TTLL11: variants seen among roughly 807,000 people sequenced by gnomAD.
TTLL11 encodes tubulin polyglutamylase TTLL11.
In TTLL11, 42 loss-of-function variants were observed where a neutral mutation model predicts 51.7. The observed-to-expected ratio is 0.81, with a 90% confidence interval of 0.64 to 1.05. The LOEUF (loss-of-function observed/expected upper bound fraction) is 1.05. Among genes scored for constraint, TTLL11 ranks in the 50% least tolerant of loss-of-function variants. The pLI is 0.00. For missense variants in TTLL11, 799 were observed against 940.4 expected (o/e 0.85, Z 1.97); for synonymous variants, 381 against 383.5 (o/e 0.99, Z 0.08).
chr9:122,078,127 AG>A (rs1275211676), intron 1 of TTLL11, among the ~76,000 whole-genome samples: 3 of 152,214 alleles, frequency 2.0e-5, no homozygotes, highest in Non-Finnish European at 4.4e-5. Context: ...TGCTTTTATT[AG>A]CAAAGCAGCC....
At chr9:121,850,812 C>T (rs929549748) in intron 8 of TTLL11, among the ~76,000 whole-genome samples, 2 of 152,182 alleles carry the variant, frequency 1.3e-5, no homozygotes, top group Non-Finnish European at 1.5e-5. Context: ...TTAACCATTG[C>T]ACCATACAAT....
intron 3 of TTLL11, among the ~76,000 whole-genome samples, chr9:122,020,604 T>C (rs1303612482): frequency 6.6e-6 from 1 of 152,248 alleles, no homozygotes; most frequent in Admixed American, 6.5e-5. Context: ...TTATGGACTA[T>C]ATGCTTGTGT....
intron 4 of TTLL11, among the ~76,000 whole-genome samples, chr9:121,981,323 A>G (rs1842824468): frequency 1.3e-5 from 2 of 151,966 alleles, no homozygotes; most frequent in Non-Finnish European, 2.9e-5. Flanking sequence ...TTTCTTCTTC[A>G]GTGTCTAATT....
At chr9:122,077,073 A>C (rs1432276865) in intron 1 of TTLL11, among the ~76,000 whole-genome samples, 1 of 152,214 alleles carries the variant, frequency 6.6e-6, no homozygotes, top group African/African-American at 2.4e-5. Context: ...TATGTACAGC[A>C]ACACTATTTT....
Position 121,989,473 on chromosome 9 carries a change from T to C in TTLL11, c.991A>G (p.Thr331Ala). Reference sequence around the variant, plus strand: ...AAGATGCGGTGCAGGTTTTTGGGGGTGGGCTCCTGATATGGCTCGGTACAA... The same window carrying C: ...AAGATGCGGTGCAGGTTTTTGGGGGCGGGCTCCTGATATGGCTCGGTACAA... ...RFCTEPYQEP[T>A]PKNLHRIFMH... Residue 331 changes from threonine to alanine, a missense_variant, in exon 4 of 9, where the codon ACC becomes GCC. Physicochemically the swap from Thr to Ala is moderately conservative, Grantham distance 58. Coordinates refer to ENST00000321582, the MANE Select transcript of TTLL11 (RefSeq NM_001139442.2). This position sits in a 1 kb window ranked among gnomAD's most constrained non-coding sequence, Gnocchi z 4.2. 1 of 1,614,002 alleles carries C rather than the reference T, an allele frequency of 6.2e-7. No homozygotes were observed. Among genetic ancestry groups the C allele is most frequent in the African/African-American group, 1.3e-5 (1 of 74,952 alleles).
intron 6 of TTLL11, among the ~76,000 whole-genome samples, chr9:121,973,095 G>C (rs538057736): frequency 3.9e-5 from 6 of 152,344 alleles, no homozygotes; most frequent in Admixed American, 3.3e-4. Flanking sequence ...TACTTTGTGA[G>C]AGCCTGGAAT....
chr9:122,084,429 G>A (rs1212400895), intron 1 of TTLL11, among the ~76,000 whole-genome samples: 3 of 152,078 alleles, frequency 2.0e-5, no homozygotes, highest in Non-Finnish European at 2.9e-5. Context: ...AATTTGATAC[G>A]AGGAGGAAGG....
chr9:121,821,689 G>A lies in TTLL11; in HGVS notation c.*898C>T, dbSNP rs1836581549. Among the ~76,000 whole-genome samples the A allele has an allele frequency of 6.6e-6, 1 of 152,138 alleles. No individual in the cohort carries two copies. Among genetic ancestry groups the A allele is most frequent in the Non-Finnish European group, 1.5e-5 (1 of 68,024 alleles). ...CTCCCCTGACCCTGGCACCAGGTCT[G>A]ACATACACTACTCCTCTTGCTCTGG... On this transcript the variant is annotated 3_prime_UTR_variant, in exon 9 of 9. Coordinates refer to ENST00000321582, the MANE Select transcript of TTLL11 (RefSeq NM_001139442.2). The surrounding 1 kb of genome is among the most constrained non-coding windows in gnomAD (Gnocchi z 5.0).
chr9:121,941,180 T>C lies in TTLL11; in HGVS notation c.1481+32829A>G, dbSNP rs7031654. On this transcript the variant is annotated intron_variant, in intron 6 of 8. Transcript: ENST00000321582. ...AAGGCTTACTCTTTACCTTCTAAAA[T>C]TGCAGTCAATTTTAAGACACTTTCA... is the stretch of plus-strand genomic sequence containing the variant. Among the ~76,000 whole-genome samples, 1,092 of 152,344 alleles carry C rather than the reference T, an allele frequency of 7.2e-3. 18 individuals carry two copies. Among genetic ancestry groups the C allele is most frequent in the African/African-American group, 0.025 (1,050 of 41,570 alleles).
At chr9:122,016,589 C>A (rs551869943) in intron 3 of TTLL11, among the ~76,000 whole-genome samples, 1 of 152,138 alleles carries the variant, frequency 6.6e-6, no homozygotes, top group South Asian at 2.1e-4. Flanking sequence ...CTAAACCCAG[C>A]GGAGGACGTT....
chr9:122,093,053 G>GGCCTTC lies in TTLL11; in HGVS notation c.95_96insGAAGGC (p.Ala32_Thr33insLysAla), dbSNP rs1846311835. The GGCCTTC allele has an allele frequency of 6.6e-7, 1 of 1,516,610 alleles. No homozygotes were observed. The highest frequency in any genetic ancestry group is 8.8e-7 in the Non-Finnish European group (1 of 1,140,026). The allele number at this position is 1,516,610 out of a possible 1,614,324, so 93.9% of individuals were successfully genotyped here. A position where few individuals can be genotyped will look rare whatever the true frequency, so the allele number is the denominator to read the frequency against. ...CCTGTTCCGCCACCGTCTCCGCTGT[G>GGCCTTC]GCCTCGGCCTCAGCTTTGGCCGCCG... On this transcript the variant is annotated inframe_insertion, in exon 1 of 9. Coordinates refer to ENST00000321582, the MANE Select transcript of TTLL11 (RefSeq NM_001139442.2).
chr9:121,851,593 G>C (rs907081014), intron 8 of TTLL11, among the ~76,000 whole-genome samples: 1 of 152,208 alleles, frequency 6.6e-6, no homozygotes, highest in Admixed American at 6.5e-5. Context: ...CATTAGGAGA[G>C]AGCCTGCTGG....
At chr9:121,935,788 C>A (rs1299261425) in intron 6 of TTLL11, among the ~76,000 whole-genome samples, 1 of 152,118 alleles carries the variant, frequency 6.6e-6, no homozygotes, top group Non-Finnish European at 1.5e-5. Context: ...TTCATGGAAA[C>A]CTCCAGGGGT....
intron 1 of TTLL11, among the ~76,000 whole-genome samples, chr9:122,061,597 T>C (rs1341132820): frequency 6.6e-6 from 1 of 152,208 alleles, no homozygotes; most frequent in Non-Finnish European, 1.5e-5. Flanking sequence ...TTAACTTGCA[T>C]TTCATGATTA....
intron 4 of TTLL11, chr9:121,988,957 G>C: frequency 1.2e-6 from 1 of 854,526 alleles, no homozygotes; most frequent in Non-Finnish European, 1.7e-6. Flanking sequence ...TTTTAAGATA[G>C]GTATTCTTCA....
At chr9:122,031,602 A>T in intron 3 of TTLL11, 121 bp downstream of exon 3, 1 of 1,222,460 alleles carries the variant, frequency 8.2e-7, no homozygotes, top group Non-Finnish European at 1.1e-6. Flanking sequence ...GTGTACTGTT[A>T]AGATGCTCCC....
intron 1 of TTLL11, among the ~76,000 whole-genome samples, chr9:122,068,972 C>T (rs142093195): frequency 9.1e-4 from 139 of 152,252 alleles, no homozygotes; most frequent in African/African-American, 3.2e-3. Context: ...CACAGATGGA[C>T]GGATCTTGCG....
At chr9:121,883,573 A>G (rs1471176862) in intron 6 of TTLL11, among the ~76,000 whole-genome samples, 3 of 152,204 alleles carry the variant, frequency 2.0e-5, no homozygotes, top group Non-Finnish European at 4.4e-5. Context: ...AGGCATGCCT[A>G]TTAGCAGTCA....
At chr9:121,955,750 C>T (rs1482158081) in intron 6 of TTLL11, among the ~76,000 whole-genome samples, 1 of 152,156 alleles carries the variant, frequency 6.6e-6, no homozygotes, top group Non-Finnish European at 1.5e-5. Flanking sequence ...GATCCAAGGA[C>T]AAACTAAATG....
Sources: allele counts gnomAD v4.1 joint callset (sites outside exome capture counted in the v4.1 genomes callset), GRCh38; gene constraint gnomAD v4.1.1; non-coding constraint Gnocchi (gnomAD v3.1); transcripts MANE v1.5; gene names NCBI Gene and HGNC (gene_info 2026-07-23, HGNC 2026-07-21).